The following PPP6R3 variants were observed in gnomAD, a reference collection of about 807,000 sequenced individuals.
PPP6R3 encodes serine/threonine-protein phosphatase 6 regulatory subunit 3.
In PPP6R3, 38 loss-of-function variants were observed where a neutral mutation model predicts 110.7. The ratio of observed to expected loss-of-function variants is 0.34; its 90% CI spans 0.26 to 0.45. The LOEUF (loss-of-function observed/expected upper bound fraction) is 0.45. Among genes scored for constraint, PPP6R3 ranks in the 20% least tolerant of loss-of-function variants. The pLI, the probability that PPP6R3 is intolerant of heterozygous loss-of-function variation, is 1.00. For synonymous variants in PPP6R3, 369 were observed against 373.5 expected (o/e 0.99, Z 0.14); for missense variants, 870 against 1,062.4 (o/e 0.82, Z 2.52).
intron 9 of PPP6R3, among the ~76,000 whole-genome samples, chr11:68,565,802 A>G (rs1341890732): frequency 2.0e-5 from 3 of 149,656 alleles, no homozygotes; most frequent in African/African-American, 7.5e-5. Context: ...TACCGTTTGC[A>G]CCTGGTTTTA....
chr11:68,613,413 C>T lies in PPP6R3; in HGVS notation c.*296C>T. On this transcript the variant is annotated 3_prime_UTR_variant, in exon 24 of 24. Transcript: ENST00000393800. ...CACCCATGTAATAATAGTAGTAATA[C>T]TATAGTTAAAATGGCTGTAAGAATA... 1 of 1,093,016 alleles carries T rather than the reference C, an allele frequency of 9.1e-7. No individual in the cohort carries two copies. The highest frequency in any genetic ancestry group is 1.1e-6 in the Non-Finnish European group (1 of 899,554). 67.7% of individuals were successfully genotyped at this position (1,093,016 alleles called of 1,614,324 possible).
intron 16 of PPP6R3, among the ~76,000 whole-genome samples, chr11:68,589,670 C>T (rs2099589435): frequency 6.6e-6 from 1 of 152,236 alleles, no homozygotes; most frequent in African/African-American, 2.4e-5. Flanking sequence ...CCAGTATCTG[C>T]TGTGGTCTTT....
chr11:68,519,757 GTC>G (rs1166070611), intron 2 of PPP6R3, 106 bp downstream of exon 2: 9 of 394,634 alleles, frequency 2.3e-5, no homozygotes, highest in Non-Finnish European at 3.6e-5. Flanking sequence ...GTGGAGACCA[GTC>G]TCTCTGAGCT....
chr11:68,523,789 T>A (rs2099179202), intron 2 of PPP6R3, among the ~76,000 whole-genome samples: 1 of 149,750 alleles, frequency 6.7e-6, no homozygotes, highest in African/African-American at 2.5e-5. Context: ...CTTCTTTTAT[T>A]TGAATATTGG....
rs1167931976 is a variant in PPP6R3 at position 68,609,982 on chromosome 11, G to A, written c.2529G>A (p.Lys843=). The A allele has an allele frequency of 6.2e-7, 1 of 1,614,144 alleles. No homozygotes were observed. ...AGTGTCCCGAGACTGCAGAGGCGAAGTGCGCGGCGCCCAGGCCTCCCAGCA... is the reference window on the plus strand; with the variant it reads ...AGTGTCCCGAGACTGCAGAGGCGAAATGCGCGGCGCCCAGGCCTCCCAGCA... ...AEECPETAEA[K]CAAPRPPSSS... The change falls in exon 23 of 24, where the codon AAG becomes AAA. Residue 843 remains lysine, a synonymous_variant. Transcript: ENST00000393800.
chr11:68,478,673 G>T (rs868489308), intron 1 of PPP6R3, among the ~76,000 whole-genome samples: 17 of 2,476 alleles, frequency 6.9e-3, no homozygotes, highest in South Asian at 0.019. Context: ...TTTTTTTTTT[G>T]AGAAGATGGA....
intron 23 of PPP6R3, 152 bp from the exon 24 acceptor site, chr11:68,612,914 C>T: frequency 2.8e-6 from 4 of 1,410,622 alleles, no homozygotes; most frequent in Non-Finnish European, 2.8e-6. Context: ...AGCTTTTGCT[C>T]CATTCATTTA....
chr11:68,528,444 G>T (rs927244223), intron 2 of PPP6R3, among the ~76,000 whole-genome samples: 3 of 134,910 alleles, frequency 2.2e-5, no homozygotes, highest in Admixed American at 7.4e-5. Flanking sequence ...GGGGGGGGGG[G>T]CTGCACCTTT....
chr11:68,532,796 T>C (rs2099248326), intron 2 of PPP6R3, among the ~76,000 whole-genome samples: 2 of 152,198 alleles, frequency 1.3e-5, no homozygotes, highest in Admixed American at 1.3e-4. Flanking sequence ...TGCGTCTGTA[T>C]TTCAGTACAC....
Position 68,482,918 on chromosome 11 carries a change from T to C in PPP6R3, c.-158+22091T>C, listed in dbSNP as rs7934648. The stretch of plus-strand genomic sequence containing the variant: ...TCATCTCTTTTCACTGAGTCCCATG[T>C]AGTACTAATAGGTCTACCTCTTTCT... On this transcript the variant is annotated intron_variant, in intron 1 of 23. Transcript: ENST00000393800. Among the ~76,000 whole-genome samples, 1,237 of 152,256 alleles carry C rather than the reference T, an allele frequency of 8.1e-3. 16 individuals carry two copies. The highest frequency in any genetic ancestry group is 0.028 in the African/African-American group (1,174 of 41,538).
Position 68,613,416 on chromosome 11 carries a change from T to C in PPP6R3, c.*299T>C. ...CCATGTAATAATAGTAGTAATACTA[T>C]AGTTAAAATGGCTGTAAGAATAGTT... On this transcript the variant is annotated 3_prime_UTR_variant, in exon 24 of 24. Coordinates refer to ENST00000393800, the MANE Select transcript of PPP6R3 (RefSeq NM_001164161.2). 9.2e-7 allele frequency: 1 copy of C among 1,086,196 alleles called. No homozygotes were observed. The highest frequency in any genetic ancestry group is 4.0e-5 in the South Asian group (1 of 24,764). 67.3% of individuals were successfully genotyped at this position (1,086,196 alleles called of 1,614,324 possible).
At chr11:68,552,786 C>A (rs2099386088) in intron 6 of PPP6R3, among the ~76,000 whole-genome samples, 1 of 152,176 alleles carries the variant, frequency 6.6e-6, no homozygotes, top group Non-Finnish European at 1.5e-5. Context: ...AACTTGATTG[C>A]TCAATGGGCT....
intron 1 of PPP6R3, among the ~76,000 whole-genome samples, chr11:68,473,366 G>A (rs902142410): frequency 6.6e-6 from 1 of 152,244 alleles, no homozygotes; most frequent in Non-Finnish European, 1.5e-5. Flanking sequence ...GGAGGGTGGT[G>A]TGCCCATAGA....
intron 10 of PPP6R3, among the ~76,000 whole-genome samples, chr11:68,568,340 T>C (rs537031242): frequency 6.6e-6 from 1 of 152,342 alleles, no homozygotes; most frequent in African/African-American, 2.4e-5. Context: ...TTATTGTTAA[T>C]TTATTCTGTT....
intron 3 of PPP6R3, among the ~76,000 whole-genome samples, chr11:68,544,379 C>T (rs2099337626): frequency 1.3e-5 from 2 of 152,212 alleles, no homozygotes; most frequent in Admixed American, 1.3e-4. Flanking sequence ...TGGTCCAGGT[C>T]CCTACAGAGT....
intron 1 of PPP6R3, among the ~76,000 whole-genome samples, chr11:68,469,476 C>A (rs1021256281): frequency 6.6e-6 from 1 of 151,736 alleles, no homozygotes; most frequent in African/African-American, 2.4e-5. Context: ...CTGGCTGAAA[C>A]GATTCTCTCA....
At chr11:68,568,584 A>T (rs959434230) in intron 10 of PPP6R3, among the ~76,000 whole-genome samples, 3 of 152,080 alleles carry the variant, frequency 2.0e-5, no homozygotes, top group African/African-American at 4.8e-5. Flanking sequence ...GATTCACGTT[A>T]CTGCCTCTCG....
chr11:68,573,499 T>C (rs12277225), intron 12 of PPP6R3, among the ~76,000 whole-genome samples: 37,123 of 151,870 alleles, frequency 0.24, 4,800 homozygotes, highest in Middle Eastern at 0.32. Flanking sequence ...AGATGAGACC[T>C]TAAATGGGAA....
At position 68,601,890 on chromosome 11, in the gene PPP6R3, TC is replaced by T. The variant is rs763215999; in HGVS notation, c.2222del (p.Pro741GlnfsTer14). 1 of 1,613,546 alleles carries T rather than the reference TC, an allele frequency of 6.2e-7. No homozygotes were observed. The highest frequency in any genetic ancestry group is 1.7e-5 in the Admixed American group (1 of 59,934). On this transcript the variant is annotated frameshift_variant, in exon 21 of 24. Transcript: ENST00000393800. LOFTEE classifies it high-confidence loss of function. ...STKDSLRSNS[P>X]VEMETSTEPM... ...CAAAAGATTCTTTAAGGAGTAATTC[TC>T]CAGTGGAAATGGAAACCAGCACTGA...
Sources: gnomAD v4.1 joint callset for allele counts (sites outside exome capture counted in the v4.1 genomes callset) on GRCh38, gnomAD v4.1.1 for gene constraint, MANE v1.5 for transcripts, NCBI Gene and HGNC (gene_info 2026-07-23, HGNC 2026-07-21) for gene names.